The following TMEM39B variants were observed in gnomAD, a reference collection of about 807,000 sequenced individuals.
TMEM39B encodes the protein transmembrane protein 39B.
A neutral mutation model predicts 52.2 loss-of-function variants in TMEM39B; 23 were observed. That is an observed-to-expected ratio of 0.44 (90% CI 0.32 to 0.62). TMEM39B has a LOEUF of 0.62. Ranked by LOEUF, TMEM39B falls within the 20% of genes least tolerant of loss-of-function variation. The pLI is 0.06. For missense variants in TMEM39B, 547 were observed against 642.0 expected (o/e 0.85, Z 1.60); for synonymous variants, 285 against 264.0 (o/e 1.08, Z -0.77).
chr1:32,102,428 C>T lies in TMEM39B; in HGVS notation c.1237-3C>T, dbSNP rs545035635. ...TTAGCCATGCCCACCCGCTTCCGGG[C>T]AGTTCTTTTTCAGCAAACCCCTGCG... is the stretch of plus-strand genomic sequence containing the variant. On this transcript the variant is annotated splice_polypyrimidine_tract_variant and splice_region_variant and intron_variant, in intron 8 of 8. Transcript: ENST00000336294. 71 of 1,613,122 alleles carry T rather than the reference C, an allele frequency of 4.4e-5. No homozygotes were observed. In the South Asian group the frequency reaches 7.7e-4, roughly 17 times the overall value.
At position 32,074,109 on chromosome 1, in the gene TMEM39B, G is replaced by A. The variant is rs186997611; in HGVS notation, c.5-842G>A. 7.9e-5 allele frequency among the ~76,000 whole-genome samples: 12 copies of A among 152,148 alleles called. No individual in the cohort carries two copies. In the East Asian group the frequency reaches 1.9e-3, roughly 24 times the overall value. On this transcript the variant is annotated intron_variant, in intron 1 of 8. Coordinates refer to ENST00000336294, the MANE Select transcript of TMEM39B (RefSeq NM_018056.4). ...GCAGAACTTTTGTGCGAAGTGGTGC[G>A]TGGGAGCTTGGGCTAGACTGCTCAG...
chr1:32,075,630 C>A lies in TMEM39B; in HGVS notation c.159C>A (p.Ser53Arg). Reference protein sequence around the residue: ...TRSSSGTGLSSPPLATQTVVP... With the variant: ...TRSSSGTGLSRPPLATQTVVP... ...GCAGTTCTGGAACAGGCCTCTCCAGCCCTCCTCTGGCCACCCAAACTGTTG... is the reference window on the plus strand; with the variant it reads ...GCAGTTCTGGAACAGGCCTCTCCAGACCTCCTCTGGCCACCCAAACTGTTG... The change falls in exon 3 of 9, where the codon AGC becomes AGA. Residue 53 changes from serine to arginine, a missense_variant. By Grantham distance (110) the Ser-to-Arg change is moderately radical. Transcript: ENST00000336294. The A allele has an allele frequency of 6.4e-7, 1 of 1,551,582 alleles. No individual in the cohort carries two copies. The highest frequency in any genetic ancestry group is 8.7e-7 in the Non-Finnish European group (1 of 1,147,010).
rs905535417 is a variant in TMEM39B, at chr1:32,073,019, G to A, written c.-29G>A. On this transcript the variant is annotated 5_prime_UTR_variant, in exon 1 of 9. Coordinates refer to ENST00000336294, the MANE Select transcript of TMEM39B (RefSeq NM_018056.4). ...ACATATTGCCCGCAGGAGCTGCGGCGGCGAAGCGGAGAGCACCGGGGGGAG... is the reference window on the plus strand; with the variant it reads ...ACATATTGCCCGCAGGAGCTGCGGCAGCGAAGCGGAGAGCACCGGGGGGAG... 3 of 1,530,860 alleles carry A rather than the reference G, an allele frequency of 2.0e-6. No homozygotes were observed. The highest frequency in any genetic ancestry group is 2.6e-6 in the Non-Finnish European group (3 of 1,137,336). 94.8% of individuals were successfully genotyped at this position (1,530,860 alleles called of 1,614,324 possible).
At chr1:32,073,238 C>T (rs1317244741) in intron 1 of TMEM39B, 187 bp downstream of exon 1, 8 of 576,576 alleles carry the variant, frequency 1.4e-5, no homozygotes, top group Non-Finnish European at 2.0e-5. Context: ...GGGGGCGGGA[C>T]ATTGGACGGT....
intron 5 of TMEM39B, among the ~76,000 whole-genome samples, chr1:32,088,179 C>A (rs1042372454): frequency 6.8e-6 from 1 of 146,212 alleles, no homozygotes; most frequent in Non-Finnish European, 1.5e-5. Context: ...GCACTTTGGG[C>A]GGCCGAAGTG....
chr1:32,073,460 A>T, intron 1 of TMEM39B: 1 of 827,556 alleles, frequency 1.2e-6, no homozygotes, highest in Non-Finnish European at 1.5e-6. Flanking sequence ...CGACTGAGGG[A>T]GCCCATTCTG....
chr1:32,096,810 C>CTT (rs58321062), intron 7 of TMEM39B, among the ~76,000 whole-genome samples: 117 of 141,114 alleles, frequency 8.3e-4, no homozygotes, highest in African/African-American at 2.7e-3. Context: ...ATGTGCAATC[C>CTT]TTTTTTTTTT....
chr1:32,094,252 G>A (rs1242499926), intron 6 of TMEM39B, among the ~76,000 whole-genome samples: 2 of 145,014 alleles, frequency 1.4e-5, no homozygotes, highest in African/African-American at 5.1e-5. Flanking sequence ...TCAGCCTCCT[G>A]AGTAGCTGGG....
At chr1:32,073,195 T>G (rs1639707701) in intron 1 of TMEM39B, 144 bp downstream of exon 1, 4 of 1,033,540 alleles carry the variant, frequency 3.9e-6, no homozygotes, top group Non-Finnish European at 5.1e-6. Context: ...TCCCGCCCCC[T>G]CCTGTCGTTT....
chr1:32,097,380 G>C (rs59530293), intron 7 of TMEM39B, among the ~76,000 whole-genome samples: 8 of 151,484 alleles, frequency 5.3e-5, no homozygotes, highest in Admixed American at 5.3e-4. Context: ...ACCCAGGCTG[G>C]AGTGCAGTGG....
chr1:32,084,759 G>A (rs1197874603), intron 5 of TMEM39B, among the ~76,000 whole-genome samples: 1 of 151,868 alleles, frequency 6.6e-6, no homozygotes, highest in East Asian at 1.9e-4. Context: ...GTAGAGACGG[G>A]GTTTCACCAT....
chr1:32,073,091 G>A (rs1356589117), intron 1 of TMEM39B, 40 bp downstream of exon 1: 16 of 1,446,872 alleles, frequency 1.1e-5, no homozygotes, highest in African/African-American at 1.5e-5. Context: ...CAACGAGCGG[G>A]CGCACGGGTT....
chr1:32,092,108 T>C (rs1461094834), intron 6 of TMEM39B, 97 bp downstream of exon 6: 2 of 1,122,674 alleles, frequency 1.8e-6, no homozygotes, highest in East Asian at 2.5e-5. Flanking sequence ...CTATGCTGTT[T>C]TTGATGTGAT....
At chr1:32,072,926 G>A, upstream of TMEM39B, 7 of 1,318,222 alleles carry the variant, frequency 5.3e-6, no homozygotes, top group Non-Finnish European at 7.1e-6. Flanking sequence ...CGGCGCGGCG[G>A]GAGCGCGCGG....
At chr1:32,100,738 C>G (rs1010398042) in intron 8 of TMEM39B, 176 bp downstream of exon 8, 1 of 864,246 alleles carries the variant, frequency 1.2e-6, no homozygotes, top group African/African-American at 1.7e-5. Context: ...TTAATAACTG[C>G]AGCTCGGCCG....
intron 5 of TMEM39B, among the ~76,000 whole-genome samples, chr1:32,082,116 T>TC (rs747466665): frequency 1.2e-4 from 18 of 150,250 alleles, no homozygotes; most frequent in Non-Finnish European, 1.6e-4. Flanking sequence ...ACTTTTTTTT[T>TC]CCATCAACAA....
In TMEM39B at chr1:32,073,037, G is replaced by C. The variant is rs751496537; in HGVS notation, c.-11G>C. On this transcript the variant is annotated 5_prime_UTR_variant, in exon 1 of 9. Coordinates refer to ENST00000336294, the MANE Select transcript of TMEM39B (RefSeq NM_018056.4). ...CTGCGGCGGCGAAGCGGAGAGCACC[G>C]GGGGGAGGAGATGGGTGAGCAGAGC... The C allele has an allele frequency of 1.3e-6, 2 of 1,522,384 alleles. No individual in the cohort carries two copies. Among genetic ancestry groups the C allele is most frequent in the African/African-American group, 1.4e-5 (1 of 70,608 alleles). 94.3% of individuals were successfully genotyped at this position (1,522,384 alleles called of 1,614,324 possible).
chr1:32,090,423 A>T (rs1017130166), intron 5 of TMEM39B, among the ~76,000 whole-genome samples: 4 of 152,024 alleles, frequency 2.6e-5, no homozygotes, highest in Non-Finnish European at 5.9e-5. Flanking sequence ...ATATGCACCC[A>T]TAACAACTCA....
chr1:32,072,811 G>C (rs1360620213), upstream of TMEM39B: 1 of 543,890 alleles, frequency 1.8e-6, no homozygotes, highest in African/African-American at 2.0e-5. Context: ...TGCAGGAAGG[G>C]CGTGGGGGAC....
Sources: allele counts gnomAD v4.1 joint callset (sites outside exome capture counted in the v4.1 genomes callset), GRCh38; gene constraint gnomAD v4.1.1; transcripts MANE v1.5; gene names NCBI Gene and HGNC (gene_info 2026-07-23, HGNC 2026-07-21).